SLC35F3: variants seen among roughly 807,000 people sequenced by gnomAD.
SLC35F3 encodes the protein solute carrier family 35 member F3, also known as putative thiamine transporter SLC35F3.
SLC35F3 carries 25 observed loss-of-function variants against 49.9 expected under a neutral mutation model. The observed-to-expected ratio is 0.50, with a 90% CI of 0.37 to 0.70. The LOEUF (loss-of-function observed/expected upper bound fraction) is 0.70. Ranked by LOEUF, SLC35F3 falls within the 30% of genes least tolerant of loss-of-function variation. The pLI is 0.00. For synonymous variants in SLC35F3, 275 were observed against 265.4 expected, an observed-to-expected ratio of 1.04 and a Z score of -0.35; for missense variants, 525 against 639.8, an observed-to-expected ratio of 0.82 and a Z score of 1.94.
At chr1:234,196,160 A>C (rs1666806889) in intron 2 of SLC35F3, among the ~76,000 whole-genome samples, 1 of 152,226 alleles carries the variant, frequency 6.6e-6, no homozygotes, top group South Asian at 2.1e-4. Context: ...CCAGTGTGTC[A>C]TGTTAATTTA....
intron 2 of SLC35F3, among the ~76,000 whole-genome samples, chr1:234,174,706 G>C (rs1396486554): frequency 6.6e-6 from 1 of 152,242 alleles, no homozygotes; most frequent in Non-Finnish European, 1.5e-5. Flanking sequence ...CATCCCTGGA[G>C]AAAACACAGA....
In SLC35F3 at chr1:234,231,757, A is replaced by G. The variant is rs528578072; in HGVS notation, c.608+16A>G. 21 of 1,580,520 alleles carry G rather than the reference A, an allele frequency of 1.3e-5. No individual in the cohort carries two copies. Among genetic ancestry groups the G allele is most frequent in the Admixed American group, 1.7e-5 (1 of 58,562 alleles). On this transcript the variant is annotated intron_variant, in intron 3 of 7. Transcript: ENST00000366618. The surrounding 1 kb of genome is among the most constrained non-coding windows in gnomAD (Gnocchi z 5.4). ...AGCGATACAGGTAGGCGCGTCCTGC[A>G]TGAGGAGGCCTCCTGACCCCGGGCT...
At chr1:234,191,858 A>G (rs1666735168) in intron 2 of SLC35F3, among the ~76,000 whole-genome samples, 1 of 152,170 alleles carries the variant, frequency 6.6e-6, no homozygotes, top group African/African-American at 2.4e-5. Flanking sequence ...AACCTAGAGG[A>G]GATGGATAAA....
rs535709764 is a variant in SLC35F3 at position 233,965,634 on chromosome 1, A to G, written c.283+59876A>G. 3.3e-5 allele frequency among the ~76,000 whole-genome samples: 5 copies of G among 152,216 alleles called. No individual in the cohort carries two copies. The South Asian group carries it at 1.0e-3, about 32-fold the overall frequency. On this transcript the variant is annotated intron_variant, in intron 2 of 7. Coordinates refer to ENST00000366618, the MANE Select transcript of SLC35F3 (RefSeq NM_173508.4). Reference sequence around the variant, plus strand: ...AGAAGCCAAGGGCCTCATTCTCACAACCTCAAAGAAATAAATGCTGCCAAT... The same window carrying G: ...AGAAGCCAAGGGCCTCATTCTCACAGCCTCAAAGAAATAAATGCTGCCAAT...
intron 2 of SLC35F3, among the ~76,000 whole-genome samples, chr1:233,909,032 T>C (rs561259748): frequency 1.5e-3 from 233 of 151,376 alleles, no homozygotes; most frequent in Non-Finnish European, 2.9e-3. Context: ...CTAATTTTTG[T>C]ATTTTTAGTA....
chr1:233,999,274 G>T (rs1558201228), intron 2 of SLC35F3, among the ~76,000 whole-genome samples: 1 of 152,080 alleles, frequency 6.6e-6, no homozygotes, highest in Admixed American at 6.6e-5. Context: ...CACCAATTCC[G>T]AGTGATCATT....
rs77293876 is a variant in SLC35F3, at chr1:234,255,813, A to C, written c.608+24072A>C. Among the ~76,000 whole-genome samples, 1,220 of 152,350 alleles carry C rather than the reference A, an allele frequency of 8.0e-3. 18 individuals are homozygous for C. The highest frequency in any genetic ancestry group is 0.028 in the African/African-American group (1,159 of 41,586). The stretch of plus-strand genomic sequence containing the variant: ...TGGAGCTTGGGGGATTAAAACACTT[A>C]GAGCAGTGAAATAATTCTGTATGAT... On this transcript the variant is annotated intron_variant, in intron 3 of 7. Transcript: ENST00000366618.
intron 3 of SLC35F3, among the ~76,000 whole-genome samples, chr1:234,278,192 C>T (rs1221448797): frequency 1.3e-5 from 2 of 148,636 alleles, no homozygotes; most frequent in East Asian, 4.0e-4. Flanking sequence ...GACCCCATCT[C>T]GAAAAAAAAA....
At chr1:233,998,410 T>A (rs1663497524) in intron 2 of SLC35F3, among the ~76,000 whole-genome samples, 1 of 151,980 alleles carries the variant, frequency 6.6e-6, no homozygotes, top group Non-Finnish European at 1.5e-5. Context: ...GATTTTTCTC[T>A]GTGTTCCCAA....
At chr1:234,191,774 C>T (rs1452385780) in intron 2 of SLC35F3, among the ~76,000 whole-genome samples, 3 of 152,074 alleles carry the variant, frequency 2.0e-5, no homozygotes, top group Non-Finnish European at 4.4e-5. Flanking sequence ...GGAGATATTA[C>T]AACCAACGCC....
chr1:234,154,407 C>T (rs1180575154), intron 2 of SLC35F3, among the ~76,000 whole-genome samples: 3 of 152,148 alleles, frequency 2.0e-5, no homozygotes, highest in African/African-American at 7.2e-5. Flanking sequence ...TATCTATTGG[C>T]ATACAAATAT....
chr1:234,089,100 G>A (rs1665003909), intron 2 of SLC35F3, among the ~76,000 whole-genome samples: 2 of 152,142 alleles, frequency 1.3e-5, no homozygotes, highest in African/African-American at 4.8e-5. Flanking sequence ...AAGAAAACTG[G>A]TGTTCCACGA....
At chr1:233,934,789 G>A (rs901657617) in intron 2 of SLC35F3, among the ~76,000 whole-genome samples, 1 of 83,344 alleles carries the variant, frequency 1.2e-5, no homozygotes. Flanking sequence ...TGAAGCAAAG[G>A]TAGCTCCCTA....
At chr1:234,019,116 T>C (rs1458597) in intron 2 of SLC35F3, among the ~76,000 whole-genome samples, 12,341 of 152,140 alleles carry the variant, frequency 0.081, 1,106 homozygotes, top group African/African-American at 0.21. Flanking sequence ...TGCAGAGAAG[T>C]GTATTCCAGC....
At chr1:233,958,676 C>A (rs1410988381) in intron 2 of SLC35F3, among the ~76,000 whole-genome samples, 2 of 152,172 alleles carry the variant, frequency 1.3e-5, no homozygotes. Context: ...AATGTAAGAG[C>A]AAGTATTATT....
At chr1:233,953,471 G>A (rs959545605) in intron 2 of SLC35F3, among the ~76,000 whole-genome samples, 1 of 152,218 alleles carries the variant, frequency 6.6e-6, no homozygotes, top group Non-Finnish European at 1.5e-5. Flanking sequence ...AGTTAGGTTA[G>A]AATGAGAGAC....
At chr1:234,242,333 G>T (rs1667566248) in intron 3 of SLC35F3, among the ~76,000 whole-genome samples, 1 of 152,176 alleles carries the variant, frequency 6.6e-6, no homozygotes, top group Admixed American at 6.5e-5. Context: ...GAAAGAGAAG[G>T]GGGCTCCACA....
intron 2 of SLC35F3, among the ~76,000 whole-genome samples, chr1:234,070,636 T>G (rs1480083678): frequency 1.3e-5 from 2 of 152,206 alleles, no homozygotes; most frequent in East Asian, 3.8e-4. Context: ...TTATAGATAG[T>G]TTCCATGTGT....
chr1:234,081,904 ATTTTTTTTTTT>A (rs781469880), intron 2 of SLC35F3, among the ~76,000 whole-genome samples: 1,546 of 39,242 alleles, frequency 0.039, 46 homozygotes, highest in Non-Finnish European at 0.046. Flanking sequence ...TGCCTGGCTA[ATTTTTTTTTTT>A]TTTTTTTTTT....
Sources: gnomAD v4.1 joint callset for allele counts (sites outside exome capture counted in the v4.1 genomes callset) on GRCh38, gnomAD v4.1.1 for gene constraint, Gnocchi (gnomAD v3.1) non-coding constraint, MANE v1.5 for transcripts, NCBI Gene and HGNC (gene_info 2026-07-23, HGNC 2026-07-21) for gene names.